The following SLIT3 variants were observed in gnomAD, a reference collection of about 807,000 sequenced individuals.
SLIT3 encodes the protein slit guidance ligand 3.
SLIT3 carries 68 observed loss-of-function variants against 184.0 expected under a neutral mutation model. The observed-to-expected ratio is 0.37, with a 90% CI of 0.30 to 0.45. The LOEUF (loss-of-function observed/expected upper bound fraction) is 0.45. SLIT3 is among the 20% of genes least tolerant of loss of function. SLIT3 has a pLI of 1.00. For missense variants in SLIT3, 1,707 were observed against 2,026.0 expected, an observed-to-expected ratio of 0.84 and a Z score of 3.02; for synonymous variants, 831 against 828.6, an observed-to-expected ratio of 1.00 and a Z score of -0.05.
At chr5:168,716,468 T>TATG (rs1762734626) in intron 23 of SLIT3, among the ~76,000 whole-genome samples, 11 of 152,232 alleles carry the variant, frequency 7.2e-5, no homozygotes, top group Non-Finnish European at 1.5e-4. Context: ...TCAGAAGCAC[T>TATG]CAGTCACATT....
chr5:169,160,381 T>A (rs2113390379), intron 4 of SLIT3, among the ~76,000 whole-genome samples: 1 of 152,340 alleles, frequency 6.6e-6, no homozygotes, highest in Non-Finnish European at 1.5e-5. Context: ...TAACCTTTAT[T>A]TACAGTGTAA....
chr5:169,050,617 AAATGCCAATT>A (rs1757782055), intron 4 of SLIT3, among the ~76,000 whole-genome samples: 1 of 152,204 alleles, frequency 6.6e-6, no homozygotes, highest in African/African-American at 2.4e-5. Context: ...TAGTCAAATA[AAATGCCAATT>A]AATGTTAGGA....
At chr5:169,009,874 T>C (rs1173627957) in intron 4 of SLIT3, among the ~76,000 whole-genome samples, 7 of 152,222 alleles carry the variant, frequency 4.6e-5, no homozygotes, top group African/African-American at 1.4e-4. Flanking sequence ...TTTTGAACTA[T>C]TAATTTATAT....
chr5:168,866,972 G>A (rs903805361), intron 5 of SLIT3, among the ~76,000 whole-genome samples: 1 of 152,146 alleles, frequency 6.6e-6, no homozygotes, highest in African/African-American at 2.4e-5. Flanking sequence ...ACTAAGACTC[G>A]AACCCAGATC....
chr5:168,744,097 G>A (rs965414460), intron 20 of SLIT3, among the ~76,000 whole-genome samples: 6 of 152,150 alleles, frequency 3.9e-5, no homozygotes, highest in African/African-American at 1.4e-4. Flanking sequence ...AGACCATCCT[G>A]GCTAACATGG....
chr5:169,165,622 C>T (rs930008772), intron 4 of SLIT3, among the ~76,000 whole-genome samples: 1 of 152,184 alleles, frequency 6.6e-6, no homozygotes, highest in Admixed American at 6.5e-5. Context: ...GGCTCCTTCC[C>T]TCACCTTCTT....
chr5:168,911,344 C>G (rs1228211012), intron 4 of SLIT3, among the ~76,000 whole-genome samples: 3 of 152,142 alleles, frequency 2.0e-5, no homozygotes, highest in African/African-American at 7.2e-5. Context: ...TGCATGGTCT[C>G]TAAATGCTGG....
At chr5:169,280,448 G>A (rs769253655) in intron 1 of SLIT3, among the ~76,000 whole-genome samples, 5 of 152,078 alleles carry the variant, frequency 3.3e-5, no homozygotes, top group Admixed American at 6.5e-5. Context: ...ACAGGCAAGC[G>A]GCCTCGTCTC....
At chr5:169,181,585 C>CA (rs1318592931) in intron 4 of SLIT3, among the ~76,000 whole-genome samples, 1 of 151,732 alleles carries the variant, frequency 6.6e-6, no homozygotes, top group East Asian at 1.9e-4. Flanking sequence ...ACTAAAAATA[C>CA]AAAAAATTAG....
rs1762466324 is a variant in SLIT3 at position 168,709,097 on chromosome 5, G to GTTTT, written c.2720-998_2720-997insAAAA. 6.5e-5 allele frequency among the ~76,000 whole-genome samples: 9 copies of GTTTT among 137,472 alleles called. 2 individuals are homozygous for GTTTT. In the South Asian group the frequency reaches 2.0e-3, roughly 30 times the overall value. 90.2% of individuals were successfully genotyped at this position (137,472 alleles called of 152,430 possible). A position where few individuals can be genotyped will look rare whatever the true frequency, so the allele number is the denominator to read the frequency against. Reference sequence around the variant, plus strand: ...ACTACCAGCTACAGTGTTGTTTTCTGTTTGTTTTTTTTTTTTTTTGAGATG... The same window carrying GTTTT: ...ACTACCAGCTACAGTGTTGTTTTCTGTTTTTTTGTTTTTTTTTTTTTTTGAGATG... On this transcript the variant is annotated intron_variant, in intron 25 of 35. Coordinates refer to ENST00000519560, the MANE Select transcript of SLIT3 (RefSeq NM_003062.4).
chr5:169,270,271 A>G (rs1290084972), intron 1 of SLIT3, among the ~76,000 whole-genome samples: 2 of 152,226 alleles, frequency 1.3e-5, no homozygotes, highest in African/African-American at 4.8e-5. Context: ...TAATCCTAAG[A>G]AGGCACAGAT....
chr5:168,793,466 T>C (rs1444703219), intron 10 of SLIT3, among the ~76,000 whole-genome samples: 1 of 152,166 alleles, frequency 6.6e-6, no homozygotes, highest in East Asian at 1.9e-4. Context: ...CATTTTTAAG[T>C]GTGCTCTCTT....
At chr5:169,011,057 G>A (rs1339181810) in intron 4 of SLIT3, among the ~76,000 whole-genome samples, 1 of 152,160 alleles carries the variant, frequency 6.6e-6, no homozygotes, top group Non-Finnish European at 1.5e-5. Flanking sequence ...AGGGCTCAGG[G>A]AAGCTAAGCC....
At chr5:169,260,154 T>A (rs537137771) in intron 1 of SLIT3, among the ~76,000 whole-genome samples, 355 of 147,668 alleles carry the variant, frequency 2.4e-3, no homozygotes, top group African/African-American at 8.2e-3. Context: ...TAAACAACTT[T>A]AAAAAAAAAA....
chr5:168,998,335 A>C (rs897098229), intron 4 of SLIT3, among the ~76,000 whole-genome samples: 2 of 152,190 alleles, frequency 1.3e-5, no homozygotes, highest in African/African-American at 4.8e-5. Flanking sequence ...TATTTTAGTT[A>C]AACATCCAAT....
rs552242946 is a variant in SLIT3, at chr5:169,265,239, C to G, written c.198-13780G>C. 1.1e-4 allele frequency among the ~76,000 whole-genome samples: 17 copies of G among 152,284 alleles called. No individual in the cohort carries two copies. In the South Asian group the frequency reaches 3.5e-3, roughly 32 times the overall value. On this transcript the variant is annotated intron_variant, in intron 1 of 35. Transcript: ENST00000519560. ...AGAGACGAACTTGCAAACTGGTAGC[C>G]CACCGGTGAGTTCTGGCCTGCAGAC...
At chr5:168,806,365 TGGCCTAGTGGGTGATG>T in intron 9 of SLIT3, 65 bp downstream of exon 9, 1 of 1,500,390 alleles carries the variant, frequency 6.7e-7, no homozygotes, top group Non-Finnish European at 9.2e-7. Context: ...CACACGCTGA[TGGCCTAGTGGGTGATG>T]GGCTGGGACA....
rs2113507155 is a variant in SLIT3, at chr5:168,762,559, G to A, written c.1590C>T (p.Leu530=). 1 of 1,613,958 alleles carries A rather than the reference G, an allele frequency of 6.2e-7. No individual in the cohort carries two copies. ...CTTACAGGTCGGTGACATATTCAGGGAGGTGGCTTGGGATGCGGACCAGCT... is the reference window on the plus strand; with the variant it reads ...CTTACAGGTCGGTGACATATTCAGGAAGGTGGCTTGGGATGCGGACCAGCT... ...NQKLVRIPSH[L]PEYVTDLRLN... is the part of the protein sequence containing the mutation. Residue 530 remains leucine (L), a synonymous_variant, in exon 15 of 36, where the codon CTC becomes CTT. Transcript: ENST00000519560.
chr5:168,673,769 T>G (rs751759618), intron 32 of SLIT3, among the ~76,000 whole-genome samples: 1 of 152,270 alleles, frequency 6.6e-6, no homozygotes, highest in Non-Finnish European at 1.5e-5. Context: ...GACCCAATAC[T>G]GTCCTTTACA....
Sources: allele counts gnomAD v4.1 joint callset (sites outside exome capture counted in the v4.1 genomes callset), GRCh38; gene constraint gnomAD v4.1.1; transcripts MANE v1.5; gene names NCBI Gene and HGNC (gene_info 2026-07-23, HGNC 2026-07-21).